The following BAZ2B variants were observed in gnomAD, a reference collection of about 807,000 sequenced individuals.
The protein encoded by BAZ2B is bromodomain adjacent to zinc finger domain 2B.
BAZ2B carries 91 observed loss-of-function variants against 246.0 expected under a neutral mutation model. That is an observed-to-expected ratio of 0.37 (90% CI 0.31 to 0.44). The LOEUF is 0.44. BAZ2B is among the 20% of genes least tolerant of loss of function. The pLI, the probability that BAZ2B is intolerant of heterozygous loss-of-function variation, is 1.00. For synonymous variants in BAZ2B, 855 were observed against 860.0 expected (o/e 0.99, Z 0.10); for missense variants, 2,332 against 2,533.7 (o/e 0.92, Z 1.71).
intron 36 of BAZ2B, among the ~76,000 whole-genome samples, chr2:159,323,274 C>T (rs1373338135): frequency 6.6e-6 from 1 of 152,052 alleles, no homozygotes; most frequent in African/African-American, 2.4e-5. Flanking sequence ...CGTGAGCCAC[C>T]TTGCCTGGCC....
chr2:159,354,628 G>T (rs1259155560), intron 27 of BAZ2B, among the ~76,000 whole-genome samples: 1 of 152,118 alleles, frequency 6.6e-6, no homozygotes, highest in Non-Finnish European at 1.5e-5. Context: ...TGGGATTACA[G>T]GTGTGAGCCA....
intron 1 of BAZ2B, among the ~76,000 whole-genome samples, chr2:159,562,597 C>A (rs894469118): frequency 6.6e-6 from 1 of 152,100 alleles, no homozygotes; most frequent in Non-Finnish European, 1.5e-5. Flanking sequence ...AAAAGTGAAC[C>A]AATCACTTGG....
intron 13 of BAZ2B, among the ~76,000 whole-genome samples, chr2:159,416,686 C>A (rs1664855832): frequency 6.6e-6 from 1 of 152,124 alleles, no homozygotes; most frequent in South Asian, 2.1e-4. Context: ...AAAAGAGGAA[C>A]AAAATATGTT....
intron 31 of BAZ2B, among the ~76,000 whole-genome samples, chr2:159,343,098 C>A (rs1320463759): frequency 6.6e-6 from 1 of 152,002 alleles, no homozygotes; most frequent in African/African-American, 2.4e-5. Flanking sequence ...AATAGAAAAC[C>A]CAGAAATTAA....
chr2:159,513,377 T>C (rs1421742976), intron 2 of BAZ2B, among the ~76,000 whole-genome samples: 1 of 152,196 alleles, frequency 6.6e-6, no homozygotes, highest in Admixed American at 6.5e-5. Context: ...AAACTACCTG[T>C]TTGACTAAGT....
In BAZ2B at chr2:159,386,202, T is replaced by A. The variant is rs3771708; in HGVS notation, c.3471+151A>T. 72 of 897,476 alleles carry A rather than the reference T, an allele frequency of 8.0e-5. 1 individual carries two copies. In the East Asian group the frequency reaches 1.9e-3, roughly 24 times the overall value. 55.6% of individuals were successfully genotyped at this position (897,476 alleles called of 1,614,324 possible). A position where few individuals can be genotyped will look rare whatever the true frequency, so the allele number is the denominator to read the frequency against. On this transcript the variant is annotated intron_variant, in intron 22 of 36. Transcript: ENST00000392783. ...ATAACCAGGTTTTCTTTGTATGAAG[T>A]GTAACCTGACACAAATCTACAGTTA...
chr2:159,432,087 A>G (rs532479864), intron 9 of BAZ2B, among the ~76,000 whole-genome samples: 1 of 152,030 alleles, frequency 6.6e-6, no homozygotes, highest in South Asian at 2.1e-4. Context: ...ATTAGCTGCT[A>G]AAAAAAATTA....
In BAZ2B at chr2:159,349,852, A is replaced by T. The variant is rs2058369485; in HGVS notation, c.4719T>A (p.Leu1573=). 6.2e-7 allele frequency: 1 copy of T among 1,614,080 alleles called. No homozygotes were observed. Among genetic ancestry groups the T allele is most frequent in the African/African-American group, 1.3e-5 (1 of 74,936 alleles). ...AAGCAGTTGACATATCGGCATGAGTAAGTGAAGTGTCATCACAGGGTGTTC... is the reference window on the plus strand; with the variant it reads ...AAGCAGTTGACATATCGGCATGAGTTAGTGAAGTGTCATCACAGGGTGTTC... ...LPRTPCDDTS[L]THADMSTASL... The change falls in exon 28 of 37, where the codon CTT becomes CTA. Residue 1573 remains leucine (L), a synonymous_variant. Coordinates refer to ENST00000392783, the MANE Select transcript of BAZ2B (RefSeq NM_013450.4).
intron 3 of BAZ2B, among the ~76,000 whole-genome samples, chr2:159,467,553 C>T (rs1008727365): frequency 1.3e-5 from 2 of 152,108 alleles, no homozygotes; most frequent in Non-Finnish European, 1.5e-5. Flanking sequence ...TGTGTCCATT[C>T]CTTAACCAAT....
chr2:159,507,799 G>A (rs537470933), intron 2 of BAZ2B, among the ~76,000 whole-genome samples: 170 of 152,238 alleles, frequency 1.1e-3, no homozygotes, highest in Non-Finnish European at 2.3e-3. Flanking sequence ...TTTTAAAAAC[G>A]GAGGTTCAAA....
chr2:159,608,296 G>A (rs73010634), intron 1 of BAZ2B, among the ~76,000 whole-genome samples: 1 of 152,230 alleles, frequency 6.6e-6, no homozygotes, highest in Non-Finnish European at 1.5e-5. Context: ...GATCCCTTGA[G>A]CTCAGGAGGT....
At chr2:159,681,570 T>C in the BAZ2B span, among the ~76,000 whole-genome samples, 6 of 152,152 alleles carry the variant, frequency 3.9e-5, no homozygotes, top group Middle Eastern at 3.2e-3. Context: ...TATTGAAGGA[T>C]AGTTTTATCA....
At chr2:159,412,664 A>G in intron 13 of BAZ2B, 119 bp from the exon 14 acceptor site, 1 of 862,552 alleles carries the variant, frequency 1.2e-6, no homozygotes, top group Non-Finnish European at 1.7e-6. Flanking sequence ...ACATTAGTAT[A>G]AGCTTTAGGA....
chr2:159,706,886 T>C, the BAZ2B span, among the ~76,000 whole-genome samples: 3 of 152,208 alleles, frequency 2.0e-5, no homozygotes, highest in East Asian at 1.9e-4. Context: ...CTCTTGATAA[T>C]GTTGATGGGC....
chr2:159,460,645 TTTAA>T (rs2076299493), intron 3 of BAZ2B: 1 of 152,110 alleles, frequency 6.6e-6, no homozygotes, highest in African/African-American at 2.4e-5. Flanking sequence ...TTATGAGGAC[TTTAA>T]TTAATATCAG....
At chr2:159,509,616 C>T (rs1172527115) in intron 2 of BAZ2B, among the ~76,000 whole-genome samples, 1 of 152,106 alleles carries the variant, frequency 6.6e-6, no homozygotes, top group Non-Finnish European at 1.5e-5. Context: ...TATCTGGAAA[C>T]AGTTTTGTGG....
At chr2:159,407,662 A>C (rs2066172752) in intron 14 of BAZ2B, among the ~76,000 whole-genome samples, 1 of 152,236 alleles carries the variant, frequency 6.6e-6, no homozygotes, top group Non-Finnish European at 1.5e-5. Context: ...AGATTAAAAA[A>C]GTCGAATTTC....
intron 6 of BAZ2B, among the ~76,000 whole-genome samples, chr2:159,440,374 C>G (rs1448348088): frequency 6.6e-6 from 1 of 152,094 alleles, no homozygotes; most frequent in Non-Finnish European, 1.5e-5. Flanking sequence ...TATATCTCCA[C>G]AACAGAGAGC....
chr2:159,597,887 CCAAT>C (rs1476524676), intron 1 of BAZ2B, among the ~76,000 whole-genome samples: 4 of 152,218 alleles, frequency 2.6e-5, no homozygotes, highest in African/African-American at 9.6e-5. Context: ...TTGCATTCCC[CCAAT>C]CAGATCCTAA....
Sources: allele counts gnomAD v4.1 joint callset (sites outside exome capture counted in the v4.1 genomes callset), GRCh38; gene constraint gnomAD v4.1.1; transcripts MANE v1.5; gene names NCBI Gene and HGNC (gene_info 2026-07-23, HGNC 2026-07-21).